The following RP1 variants were observed in gnomAD, a reference collection of about 807,000 sequenced individuals.
The protein encoded by RP1 is oxygen-regulated protein 1.
RP1 carries 16 observed loss-of-function variants against 14.8 expected under a neutral mutation model. The ratio of observed to expected loss-of-function variants is 1.08; its 90% CI spans 0.73 to 1.65. The LOEUF (loss-of-function observed/expected upper bound fraction) is 1.65, where lower values mean the gene tolerates loss of function less well. RP1 is among the 40% of genes most tolerant of loss of function. The probability of loss-of-function intolerance (pLI) is 0.00; values close to 1 mark genes in which losing one functional copy is unlikely to be tolerated. For missense variants in RP1, 2,631 were observed against 2,535.0 expected, an observed-to-expected ratio of 1.04 and a Z score of -0.81; for synonymous variants, 876 against 883.6, an observed-to-expected ratio of 0.99 and a Z score of 0.15.
chr8:54,668,644 A>G (rs1170612337), intron 7 of RP1, among the ~76,000 whole-genome samples: 1 of 152,190 alleles, frequency 6.6e-6, no homozygotes, highest in Non-Finnish European at 1.5e-5. Context: ...GGCTACAGTA[A>G]CCAAAACAGC....
chr8:54,590,199 A>C (rs11990861), intron 1 of RP1, among the ~76,000 whole-genome samples: 88,315 of 152,050 alleles, frequency 0.58, 26,373 homozygotes, highest in Non-Finnish European at 0.66. Flanking sequence ...GCTAAACACA[A>C]AAATACAACT....
intron 1 of RP1, among the ~76,000 whole-genome samples, chr8:54,559,757 C>T (rs554368807): frequency 9.9e-5 from 15 of 152,124 alleles, no homozygotes; most frequent in Non-Finnish European, 1.6e-4. Context: ...GGGTCACGTT[C>T]GGGCAGGACT....
upstream of RP1, among the ~76,000 whole-genome samples, chr8:54,612,293 T>C (rs1805616882): frequency 6.6e-6 from 1 of 152,208 alleles, no homozygotes; most frequent in African/African-American, 2.4e-5. Context: ...AGGGAGTTCT[T>C]ATTTCTCACT....
chr8:54,728,176 GAAAAAATGTCTTTATGTATGA>G (rs1563359380), intron 17 of RP1, among the ~76,000 whole-genome samples: 1 of 151,954 alleles, frequency 6.6e-6, no homozygotes, highest in African/African-American at 2.4e-5. Flanking sequence ...TTTAAGTGAG[GAAAAAATGTCTTTATGTATGA>G]ATATTTCCCT....
chr8:54,815,552 C>T (rs144453587), intron 24 of RP1, among the ~76,000 whole-genome samples: 10 of 152,212 alleles, frequency 6.6e-5, no homozygotes, highest in African/African-American at 1.2e-4. Context: ...AGATTACAAA[C>T]GAAGTCTGGA....
At chr8:54,683,622 A>G (rs1221167270) in intron 12 of RP1, among the ~76,000 whole-genome samples, 1 of 152,160 alleles carries the variant, frequency 6.6e-6, no homozygotes, top group Non-Finnish European at 1.5e-5. Flanking sequence ...GTTGGTGTAT[A>G]TGAATGCTTA....
intron 12 of RP1, among the ~76,000 whole-genome samples, chr8:54,694,656 G>T (rs1030835083): frequency 4.6e-5 from 7 of 151,942 alleles, no homozygotes; most frequent in African/African-American, 1.7e-4. Context: ...CTGTGGGATC[G>T]GTGGTGATAT....
chr8:54,583,209 AG>A (rs1229789966), intron 1 of RP1, among the ~76,000 whole-genome samples: 1 of 152,166 alleles, frequency 6.6e-6, no homozygotes, highest in Admixed American at 6.5e-5. Flanking sequence ...TTTAGCATGA[AG>A]GGTTGTTGAA....
chr8:54,702,973 T>C (rs1368800629), intron 14 of RP1, among the ~76,000 whole-genome samples: 1 of 152,232 alleles, frequency 6.6e-6, no homozygotes, highest in African/African-American at 2.4e-5. Flanking sequence ...CAAGCTCCAC[T>C]TCTCATTCTA....
chr8:54,808,772 G>C (rs563794158), intron 24 of RP1, among the ~76,000 whole-genome samples: 1 of 152,166 alleles, frequency 6.6e-6, no homozygotes, highest in Non-Finnish European at 1.5e-5. Context: ...ACAGACATTG[G>C]TGTATAGTTG....
chr8:54,837,870 T>C (rs1299414243), intron 25 of RP1, among the ~76,000 whole-genome samples: 1 of 152,240 alleles, frequency 6.6e-6, no homozygotes, highest in African/African-American at 2.4e-5. Flanking sequence ...AAACAAATGA[T>C]GTGGCTGTGT....
intron 1 of RP1, among the ~76,000 whole-genome samples, chr8:54,568,027 C>T (rs749573872): frequency 2.0e-5 from 3 of 152,164 alleles, no homozygotes; most frequent in Non-Finnish European, 2.9e-5. Context: ...AGTGCTAAAA[C>T]CAGACTCTAT....
chr8:54,717,500 A>G (rs546428174), intron 15 of RP1, among the ~76,000 whole-genome samples: 1 of 152,286 alleles, frequency 6.6e-6, no homozygotes, highest in East Asian at 1.9e-4. Flanking sequence ...GTCAAATTTG[A>G]TAGATCATGT....
chr8:54,835,067 A>C (rs1054264321), intron 24 of RP1, among the ~76,000 whole-genome samples: 1 of 152,036 alleles, frequency 6.6e-6, no homozygotes, highest in East Asian at 1.9e-4. Flanking sequence ...GGTTTAGGGT[A>C]TCCTGGTTAG....
chr8:54,745,985 A>G (rs1563364435), intron 19 of RP1, among the ~76,000 whole-genome samples: 1 of 152,244 alleles, frequency 6.6e-6, no homozygotes, highest in Non-Finnish European at 1.5e-5. Context: ...CTATTTCCAA[A>G]AAAGAAAATG....
intron 15 of RP1, among the ~76,000 whole-genome samples, chr8:54,718,524 C>T (rs1358820316): frequency 1.3e-5 from 2 of 152,164 alleles, no homozygotes; most frequent in South Asian, 2.1e-4. Context: ...TGCCTACAAA[C>T]GAATCTAGAC....
At chr8:54,577,830 C>A (rs565053275) in intron 1 of RP1, among the ~76,000 whole-genome samples, 2 of 152,192 alleles carry the variant, frequency 1.3e-5, no homozygotes, top group African/African-American at 4.8e-5. Context: ...TGTTAAACTG[C>A]ACTTCACTGG....
rs187417744 is a variant in RP1 at position 54,664,436 on chromosome 8, T to C, written c.1323+586T>C. On this transcript the variant is annotated intron_variant, in intron 7 of 22. Coordinates refer to the RP1 transcript ENST00000636932. ...TTAGAAGTGGGATTGAGGGATCATATGGTAGTTTGTTTTTAATTTTTTGAA... is the reference window on the plus strand; with the variant it reads ...TTAGAAGTGGGATTGAGGGATCATACGGTAGTTTGTTTTTAATTTTTTGAA... Among the ~76,000 whole-genome samples the C allele has an allele frequency of 1.5e-4, 23 of 152,298 alleles. No homozygotes were observed. In the East Asian group the frequency reaches 4.2e-3, roughly 28 times the overall value.
exon 6 of RP1, chr8:54,656,116 T>C (rs1806749692): frequency 6.5e-7 from 1 of 1,533,710 alleles, no homozygotes; most frequent in Non-Finnish European, 8.7e-7. Context: ...TGGAAAACAG[T>C]TTTATGTACC....
Sources: allele counts gnomAD v4.1 joint callset (sites outside exome capture counted in the v4.1 genomes callset), GRCh38; gene constraint gnomAD v4.1.1; transcripts MANE v1.5; gene names NCBI Gene and HGNC (gene_info 2026-07-23, HGNC 2026-07-21).